Variants in ITPR2 observed in about 807,000 individuals in gnomAD.
The protein encoded by ITPR2 is inositol 1,4,5-trisphosphate-gated calcium channel ITPR2.
A neutral mutation model predicts 317.1 loss-of-function variants in ITPR2; 207 were observed. That is an observed-to-expected ratio of 0.65 (90% CI 0.58 to 0.73). ITPR2 has a LOEUF of 0.73. Ranked by LOEUF, ITPR2 falls within the 30% of genes least tolerant of loss-of-function variation. ITPR2 has a pLI of 0.00. For missense variants in ITPR2, 2,613 were observed against 3,284.0 expected (o/e 0.80, Z 4.99); for synonymous variants, 1,156 against 1,149.1 (o/e 1.01, Z -0.12).
At chr12:26,351,458 A>G (rs1938482435) in intron 55 of ITPR2, among the ~76,000 whole-genome samples, 1 of 152,238 alleles carries the variant, frequency 6.6e-6, no homozygotes, top group Non-Finnish European at 1.5e-5. Flanking sequence ...CATTCTGCCC[A>G]TAAAGGAAAC....
intron 55 of ITPR2, among the ~76,000 whole-genome samples, chr12:26,342,151 G>T (rs1257583904): frequency 6.6e-6 from 1 of 152,128 alleles, no homozygotes; most frequent in South Asian, 2.1e-4. Context: ...AGCATGCTGT[G>T]TCTCTCTGGG....
In ITPR2 at chr12:26,341,071, T is replaced by C. The variant is rs571647430; in HGVS notation, c.7858-743A>G. Among the ~76,000 whole-genome samples, 6 of 152,280 alleles carry C rather than the reference T, an allele frequency of 3.9e-5. No individual in the cohort carries two copies. The South Asian group carries it at 6.2e-4, about 16-fold the overall frequency. On this transcript the variant is annotated intron_variant, in intron 55 of 56. Coordinates refer to ENST00000381340, the MANE Select transcript of ITPR2 (RefSeq NM_002223.4). ...CAAGACTCTGCTCGATTGTCTAACA[T>C]CATAGAATCACTATGCATTACTTAT...
At chr12:26,814,819 G>A (rs1284049817) in intron 1 of ITPR2, among the ~76,000 whole-genome samples, 1 of 152,110 alleles carries the variant, frequency 6.6e-6, no homozygotes, top group Non-Finnish European at 1.5e-5. Context: ...AATCTAAGAA[G>A]CAGAAATAAA....
At chr12:26,597,973 AGAAT>A (rs1165820313) in intron 30 of ITPR2, among the ~76,000 whole-genome samples, 15 of 152,340 alleles carry the variant, frequency 9.8e-5, no homozygotes, top group African/African-American at 3.6e-4. Context: ...TTGTTGAAAG[AGAAT>A]GTATGTGTAT....
chr12:26,468,698 ATACT>A (rs965746976), intron 45 of ITPR2, among the ~76,000 whole-genome samples: 1 of 152,142 alleles, frequency 6.6e-6, no homozygotes, highest in African/African-American at 2.4e-5. Flanking sequence ...TTAAATTATA[ATACT>A]TAAACTATAA....
chr12:26,354,607 A>G (rs1414615066), intron 55 of ITPR2, among the ~76,000 whole-genome samples: 1 of 152,168 alleles, frequency 6.6e-6, no homozygotes, highest in Non-Finnish European at 1.5e-5. Context: ...TCTCTCTTTA[A>G]GTCTTTTCCA....
intron 2 of ITPR2, among the ~76,000 whole-genome samples, chr12:26,730,851 C>A (rs1339395834): frequency 1.3e-5 from 2 of 152,202 alleles, no homozygotes; most frequent in Non-Finnish European, 2.9e-5. Flanking sequence ...GAGCACGTAA[C>A]CCACAGCACG....
chr12:26,764,082 A>G (rs1949679473), intron 2 of ITPR2, among the ~76,000 whole-genome samples: 1 of 152,136 alleles, frequency 6.6e-6, no homozygotes, highest in African/African-American at 2.4e-5. Context: ...TGACTAAGGA[A>G]CAAAGGCAAT....
chr12:26,740,903 C>T (rs999016934), intron 2 of ITPR2, among the ~76,000 whole-genome samples: 2 of 152,232 alleles, frequency 1.3e-5, no homozygotes, highest in African/African-American at 4.8e-5. Context: ...GAAAAGCTTA[C>T]TCTAATGTTG....
chr12:26,698,994 T>G (rs546777738), intron 9 of ITPR2, among the ~76,000 whole-genome samples: 1 of 151,812 alleles, frequency 6.6e-6, no homozygotes, highest in African/African-American at 2.4e-5. Flanking sequence ...TTGAAAAATT[T>G]CAACTTTTCT....
At chr12:26,661,245 G>A (rs1216350195) in intron 15 of ITPR2, among the ~76,000 whole-genome samples, 1 of 140,466 alleles carries the variant, frequency 7.1e-6, no homozygotes, top group Non-Finnish European at 1.5e-5. Context: ...TACCTGAAAG[G>A]AGTGATATGA....
At position 26,663,786 on chromosome 12, in the gene ITPR2, G is replaced by C; in HGVS notation, c.1612C>G (p.Leu538Val). Residue 538 changes from leucine (L) to valine (V), a missense_variant, in exon 15 of 57, where the codon CTT (leucine) becomes GTT (valine). Leu to Val is a conservative substitution (Grantham distance 32). This residue lies in a region of ITPR2 where 515 missense variants were observed against 789.4 expected (regional missense o/e 0.65). Coordinates refer to ENST00000381340, the MANE Select transcript of ITPR2 (RefSeq NM_002223.4). ...TATCTTTGATCCCCCAGATCTTCAA[G>C]TCTCAGCATCGAGCCTTCTCCTGCT... ...EKAGEGSMLR[L>V]EDLGDQRYAP... 1.9e-6 allele frequency: 3 copies of C among 1,613,994 alleles called. No homozygotes were observed. Among genetic ancestry groups the C allele is most frequent in the Non-Finnish European group, 2.5e-6 (3 of 1,179,972 alleles).
At chr12:26,608,672 C>A (rs945657375) in intron 26 of ITPR2, among the ~76,000 whole-genome samples, 5 of 152,154 alleles carry the variant, frequency 3.3e-5, no homozygotes, top group Non-Finnish European at 5.9e-5. Flanking sequence ...AAGTGAGGGG[C>A]CCCTCTGCCC....
rs567294566 is a variant in ITPR2 at position 26,770,735 on chromosome 12, T to C, written c.163+19422A>G. ...CGCATGGCCAGCCCACTAACCACCA[T>C]GTTCCTCAGGCTCCTTGCAGCAACA... is the stretch of plus-strand genomic sequence containing the variant. On this transcript the variant is annotated intron_variant, in intron 2 of 56. Transcript: ENST00000381340. 3.8e-4 allele frequency among the ~76,000 whole-genome samples: 58 copies of C among 152,336 alleles called. 1 individual carries two copies. Among genetic ancestry groups the C allele is most frequent in the African/African-American group, 1.3e-3 (54 of 41,566 alleles).
At chr12:26,597,872 AAG>A (rs1591945387) in intron 30 of ITPR2, among the ~76,000 whole-genome samples, 2 of 152,204 alleles carry the variant, frequency 1.3e-5, no homozygotes, top group East Asian at 3.8e-4. Context: ...GTGGGTAACT[AAG>A]GACATACAAT....
chr12:26,745,114 C>T (rs1949296862), intron 2 of ITPR2, among the ~76,000 whole-genome samples: 1 of 152,202 alleles, frequency 6.6e-6, no homozygotes, highest in Admixed American at 6.5e-5. Flanking sequence ...TTTGCCAGAA[C>T]GGGCTTTGAT....
At chr12:26,436,490 G>T in intron 47 of ITPR2, 144 bp from the exon 48 acceptor site, 1 of 701,304 alleles carries the variant, frequency 1.4e-6, no homozygotes, top group Non-Finnish European at 2.2e-6. Flanking sequence ...TTTGACTTGA[G>T]TAAGTTTATT....
rs569049823 is a variant in ITPR2, at chr12:26,724,084, A to G, written c.366+572T>C. Among the ~76,000 whole-genome samples, 54 of 152,340 alleles carry G rather than the reference A, an allele frequency of 3.5e-4. No homozygotes were observed. The South Asian group carries it at 3.9e-3, about 11-fold the overall frequency. On this transcript the variant is annotated intron_variant, in intron 4 of 56. Coordinates refer to ENST00000381340, the MANE Select transcript of ITPR2 (RefSeq NM_002223.4). ...TTATTTATTTGTATTTTATCTCACT[A>G]TGTAGCTCTGTATTTTGGAAAGTGC... is the stretch of plus-strand genomic sequence containing the variant.
At position 26,698,782 on chromosome 12, in the gene ITPR2, C is replaced by T. The variant is rs965920849; in HGVS notation, c.952-3132G>A. The stretch of plus-strand genomic sequence containing the variant: ...ATGAGTAACAGAATTAGTTTCAAAA[C>T]GGGATTTAATCCTGCTTTTAGAATC... On this transcript the variant is annotated intron_variant, in intron 9 of 56. Coordinates refer to ENST00000381340, the MANE Select transcript of ITPR2 (RefSeq NM_002223.4). 5.9e-5 allele frequency among the ~76,000 whole-genome samples: 9 copies of T among 152,080 alleles called. No individual in the cohort carries two copies. In the South Asian group the frequency reaches 1.0e-3, roughly 18 times the overall value.
Sources: gnomAD v4.1 joint callset for allele counts (sites outside exome capture counted in the v4.1 genomes callset) on GRCh38, gnomAD v4.1.1 for gene constraint, gnomAD v4.1.1 regional missense constraint, MANE v1.5 for transcripts, NCBI Gene and HGNC (gene_info 2026-07-23, HGNC 2026-07-21) for gene names.